The following ATP8A2 variants were observed in gnomAD, a reference collection of about 807,000 sequenced individuals.
ATP8A2 encodes phospholipid-transporting ATPase IB.
In ATP8A2, 100 loss-of-function variants were observed where a neutral mutation model predicts 165.6. That is an observed-to-expected ratio of 0.60 (90% CI 0.51 to 0.71). ATP8A2 has a LOEUF of 0.71. Ranked by LOEUF, ATP8A2 falls within the 30% of genes least tolerant of loss-of-function variation. The probability of loss-of-function intolerance (pLI) is 0.00; values close to 1 mark genes in which losing one functional copy is unlikely to be tolerated. For synonymous variants in ATP8A2, 543 were observed against 548.8 expected (o/e 0.99, Z 0.15); for missense variants, 1,227 against 1,479.5 (o/e 0.83, Z 2.80).
Position 25,677,936 on chromosome 13 carries a change from T to G in ATP8A2, c.2212-21237T>G, listed in dbSNP as rs149335468. Among the ~76,000 whole-genome samples the G allele has an allele frequency of 5.4e-3, 823 of 152,118 alleles. 4 individuals are homozygous for G. Among genetic ancestry groups the G allele is most frequent in the African/African-American group, 0.018 (755 of 41,482 alleles). On this transcript the variant is annotated intron_variant, in intron 24 of 36. Transcript: ENST00000381655. ...GAGCACTGTGGTGATCTGGTGCGAATGAGAGGGGGTGGGGGATATTACAGA... is the reference window on the plus strand; with the variant it reads ...GAGCACTGTGGTGATCTGGTGCGAAGGAGAGGGGGTGGGGGATATTACAGA...
chr13:25,661,390 A>G (rs17082623), intron 24 of ATP8A2, among the ~76,000 whole-genome samples: 5,247 of 152,314 alleles, frequency 0.034, 157 homozygotes, highest in East Asian at 0.13. Context: ...GCTGATATTC[A>G]TCCATTTGCT....
At chr13:25,544,887 A>G (rs1265566719) in intron 10 of ATP8A2, among the ~76,000 whole-genome samples, 2 of 150,464 alleles carry the variant, frequency 1.3e-5, no homozygotes, top group Admixed American at 1.3e-4. Flanking sequence ...AGTGTAGCCA[A>G]ATGGCGTGAA....
chr13:25,608,665 G>A (rs1363060888), intron 24 of ATP8A2, among the ~76,000 whole-genome samples: 1 of 152,164 alleles, frequency 6.6e-6, no homozygotes, highest in African/African-American at 2.4e-5. Flanking sequence ...TTAGAAAGCA[G>A]CTGCAGATGA....
intron 2 of ATP8A2, among the ~76,000 whole-genome samples, chr13:25,473,226 T>C (rs2035897586): frequency 6.6e-6 from 1 of 152,226 alleles, no homozygotes; most frequent in Non-Finnish European, 1.5e-5. Context: ...TTCTCATTCT[T>C]GACGCTGAAA....
chr13:25,797,039 G>A (rs561364746), intron 27 of ATP8A2, among the ~76,000 whole-genome samples: 20 of 152,160 alleles, frequency 1.3e-4, no homozygotes, highest in Admixed American at 5.9e-4. Context: ...AGGCTGAGGC[G>A]GGCAGATCAC....
chr13:25,554,280 T>C (rs981925981), intron 12 of ATP8A2, among the ~76,000 whole-genome samples: 1 of 151,982 alleles, frequency 6.6e-6, no homozygotes, highest in Non-Finnish European at 1.5e-5. Context: ...TCAAAATTCA[T>C]TGTGATAGTC....
chr13:25,386,876 A>G (rs965996131), intron 1 of ATP8A2, among the ~76,000 whole-genome samples: 3 of 150,118 alleles, frequency 2.0e-5, no homozygotes, highest in Non-Finnish European at 3.0e-5. Flanking sequence ...GGGCACCTGT[A>G]GTCCCAGCTA....
chr13:25,665,593 C>T (rs1290245750), intron 24 of ATP8A2, among the ~76,000 whole-genome samples: 2 of 125,040 alleles, frequency 1.6e-5, no homozygotes, highest in African/African-American at 8.4e-5. Context: ...ACTTGTTGTG[C>T]CTGTGCCATG....
chr13:26,003,071 A>G (rs1201624013), intron 35 of ATP8A2, among the ~76,000 whole-genome samples: 1 of 152,044 alleles, frequency 6.6e-6, no homozygotes, highest in Non-Finnish European at 1.5e-5. Flanking sequence ...ATCATATGAT[A>G]GTTCTATTTT....
At chr13:25,457,870 T>A (rs2035405115) in intron 1 of ATP8A2, among the ~76,000 whole-genome samples, 1 of 152,244 alleles carries the variant, frequency 6.6e-6, no homozygotes, top group Admixed American at 6.5e-5. Flanking sequence ...TGGGGAAGTC[T>A]ATTTTGTGTC....
At chr13:25,507,286 GAAA>G (rs1227517906) in intron 2 of ATP8A2, among the ~76,000 whole-genome samples, 1 of 149,924 alleles carries the variant, frequency 6.7e-6, no homozygotes, top group African/African-American at 2.5e-5. Flanking sequence ...GTTGTTTTGA[GAAA>G]GAGTTTTGTT....
chr13:25,570,366 A>C (rs2138174829), intron 16 of ATP8A2, among the ~76,000 whole-genome samples: 1 of 152,192 alleles, frequency 6.6e-6, no homozygotes, highest in South Asian at 2.1e-4. Flanking sequence ...GGGAGGCGGA[A>C]GCAGAGGGGC....
intron 33 of ATP8A2, among the ~76,000 whole-genome samples, chr13:25,928,093 G>C (rs1445264360): frequency 1.3e-5 from 2 of 152,200 alleles, no homozygotes; most frequent in Non-Finnish European, 2.9e-5. Flanking sequence ...CAACTGGTAA[G>C]TTCTACAAAC....
intron 2 of ATP8A2, among the ~76,000 whole-genome samples, chr13:25,519,299 TAC>T (rs2037582278): frequency 6.6e-6 from 1 of 152,154 alleles, no homozygotes; most frequent in African/African-American, 2.4e-5. Flanking sequence ...CCAGCCAGTG[TAC>T]CCTTCTGTAT....
At chr13:25,699,135 C>T (rs1373091833) in intron 24 of ATP8A2, 38 bp from the exon 25 acceptor site, 2 of 1,449,238 alleles carry the variant, frequency 1.4e-6, no homozygotes, top group Non-Finnish European at 1.8e-6. Context: ...ATATTAAACA[C>T]ACAAAAAATG....
chr13:25,729,643 G>A (rs77513779), intron 25 of ATP8A2, among the ~76,000 whole-genome samples: 5,733 of 152,068 alleles, frequency 0.038, 167 homozygotes, highest in Middle Eastern at 0.095. Context: ...GCATGAAGTC[G>A]GTCCTGCCCT....
At chr13:25,885,846 G>A (rs931458600) in intron 33 of ATP8A2, among the ~76,000 whole-genome samples, 7 of 152,152 alleles carry the variant, frequency 4.6e-5, no homozygotes, top group African/African-American at 7.2e-5. Context: ...AGACTCACAC[G>A]ATTCTCTCTT....
At chr13:25,387,255 A>G (rs2033088957) in intron 1 of ATP8A2, among the ~76,000 whole-genome samples, 2 of 152,104 alleles carry the variant, frequency 1.3e-5, no homozygotes. Flanking sequence ...AAATAGCACA[A>G]ATGGGTCTGT....
intron 25 of ATP8A2, among the ~76,000 whole-genome samples, chr13:25,721,208 T>G (rs1324380751): frequency 6.7e-6 from 1 of 149,606 alleles, no homozygotes; most frequent in Non-Finnish European, 1.5e-5. Flanking sequence ...CAAGTGAGCT[T>G]TTTTTTTTTT....
Sources: allele counts gnomAD v4.1 joint callset (sites outside exome capture counted in the v4.1 genomes callset), GRCh38; gene constraint gnomAD v4.1.1; transcripts MANE v1.5; gene names NCBI Gene and HGNC (gene_info 2026-07-23, HGNC 2026-07-21).